MBD5: variants seen among roughly 807,000 people sequenced by gnomAD.
The protein encoded by MBD5 is methyl-CpG binding domain protein 5, also known as methyl-CpG-binding domain protein 5.
In MBD5, 13 loss-of-function variants were observed where a neutral mutation model predicts 117.3. The ratio of observed to expected loss-of-function variants is 0.11; its 90% CI spans 0.07 to 0.18. The LOEUF is 0.18. Ranked by LOEUF, MBD5 falls within the 10% of genes least tolerant of loss-of-function variation. The pLI, the probability that MBD5 is intolerant of heterozygous loss-of-function variation, is 1.00. For missense variants in MBD5, 1,879 were observed against 2,093.8 expected (o/e 0.90, Z 2.00); for synonymous variants, 727 against 766.4 (o/e 0.95, Z 0.85).
At chr2:148,285,672 AT>A (rs1701352367) in intron 3 of MBD5, among the ~76,000 whole-genome samples, 1 of 152,192 alleles carries the variant, frequency 6.6e-6, no homozygotes, top group South Asian at 2.1e-4. Flanking sequence ...TGAGAATAAT[AT>A]GCCCATATTA....
At chr2:148,344,002 G>C (rs1003937816) in intron 4 of MBD5, among the ~76,000 whole-genome samples, 1 of 151,968 alleles carries the variant, frequency 6.6e-6, no homozygotes, top group East Asian at 1.9e-4. Flanking sequence ...GAAAGGTAGT[G>C]GTCCAATTTC....
chr2:148,220,344 A>G (rs74765982), intron 2 of MBD5, among the ~76,000 whole-genome samples: 17,441 of 152,208 alleles, frequency 0.11, 1,344 homozygotes, highest in Non-Finnish European at 0.18. Context: ...CCACTTAGCT[A>G]ATATTTATTC....
At chr2:148,023,272 CATG>C (rs1007556746) in intron 1 of MBD5, among the ~76,000 whole-genome samples, 3 of 152,046 alleles carry the variant, frequency 2.0e-5, no homozygotes, top group African/African-American at 4.8e-5. Context: ...ATTATAAAGA[CATG>C]ATAATACTTC....
At chr2:148,031,242 CTAAG>C (rs1179637351) in intron 1 of MBD5, among the ~76,000 whole-genome samples, 3 of 152,084 alleles carry the variant, frequency 2.0e-5, no homozygotes, top group Non-Finnish European at 2.9e-5. Context: ...GGTTTGAAGA[CTAAG>C]TACTTCTTTT....
intron 2 of MBD5, among the ~76,000 whole-genome samples, chr2:148,189,348 G>C (rs1350143264): frequency 2.6e-5 from 4 of 151,350 alleles, no homozygotes; most frequent in African/African-American, 7.4e-5. Flanking sequence ...TGAGACTTAA[G>C]TGTCCCTGTC....
intron 4 of MBD5, among the ~76,000 whole-genome samples, chr2:148,426,511 A>G (rs1705792533): frequency 6.6e-6 from 1 of 152,220 alleles, no homozygotes; most frequent in South Asian, 2.1e-4. Context: ...ATCTACAACT[A>G]TCTGATCTTT....
chr2:148,202,400 G>T (rs941218112), intron 2 of MBD5, among the ~76,000 whole-genome samples: 2 of 152,060 alleles, frequency 1.3e-5, no homozygotes, highest in African/African-American at 4.8e-5. Flanking sequence ...AGTGACCTAG[G>T]CAGCAGAATG....
intron 8 of MBD5, among the ~76,000 whole-genome samples, chr2:148,478,598 C>T (rs1681046436): frequency 6.6e-6 from 1 of 152,078 alleles, no homozygotes; most frequent in South Asian, 2.1e-4. Context: ...GGGCAAGCTA[C>T]CACTGTCATT....
intron 1 of MBD5, among the ~76,000 whole-genome samples, chr2:148,112,650 C>G (rs1696528496): frequency 6.6e-6 from 1 of 152,080 alleles, no homozygotes. Flanking sequence ...ATTGTTGAAT[C>G]ATTATTTCAT....
intron 4 of MBD5, among the ~76,000 whole-genome samples, chr2:148,450,950 G>A (rs948354158): frequency 2.6e-5 from 4 of 152,156 alleles, no homozygotes; most frequent in African/African-American, 4.8e-5. Flanking sequence ...CTGAGGACTG[G>A]CCTCACTCTC....
intron 4 of MBD5, among the ~76,000 whole-genome samples, chr2:148,449,058 G>A (rs868080159): frequency 9.2e-5 from 14 of 151,936 alleles, no homozygotes; most frequent in Admixed American, 4.6e-4. Context: ...TGAGTTTATC[G>A]TTTTGTTCAT....
chr2:148,055,371 G>A (rs903080753), intron 1 of MBD5: 9 of 150,192 alleles, frequency 6.0e-5, no homozygotes, highest in Non-Finnish European at 1.3e-4. Context: ...AATTATTTTT[G>A]CCTTCTTTGA....
intron 1 of MBD5, among the ~76,000 whole-genome samples, chr2:148,121,158 C>T (rs1696759543): frequency 6.6e-6 from 1 of 152,102 alleles, no homozygotes; most frequent in African/African-American, 2.4e-5. Flanking sequence ...CCTGAGTTTC[C>T]TCATCTGTAA....
At chr2:148,389,251 CATATATATATATATATATATAT>C (rs70995314) in intron 4 of MBD5, among the ~76,000 whole-genome samples, 413 of 32,392 alleles carry the variant, frequency 0.013, 19 homozygotes, top group African/African-American at 0.029. Context: ...GAAAAAAAAA[CATATATATATATATATATATAT>C]ATATATATAT....
At chr2:148,109,756 T>G (rs1052449700) in intron 1 of MBD5, among the ~76,000 whole-genome samples, 2 of 152,196 alleles carry the variant, frequency 1.3e-5, no homozygotes, top group East Asian at 3.8e-4. Flanking sequence ...GGAAAGTGGC[T>G]TGGGATGATT....
At chr2:148,294,965 T>C (rs142438418) in intron 3 of MBD5, among the ~76,000 whole-genome samples, 1 of 152,300 alleles carries the variant, frequency 6.6e-6, no homozygotes, top group African/African-American at 2.4e-5. Flanking sequence ...ATTTTTCTCT[T>C]ACTGCGTTCA....
At chr2:148,211,043 T>C (rs1699410540) in intron 2 of MBD5, among the ~76,000 whole-genome samples, 1 of 152,206 alleles carries the variant, frequency 6.6e-6, no homozygotes. Context: ...ATTCAGCATA[T>C]TTTCATACGT....
intron 3 of MBD5, among the ~76,000 whole-genome samples, chr2:148,258,443 C>G (rs1558994333): frequency 6.6e-6 from 1 of 152,164 alleles, no homozygotes; most frequent in Non-Finnish European, 1.5e-5. Context: ...CCACCAGTGC[C>G]AGCACCTGCA....
At chr2:148,188,535 A>C (rs994390956) in intron 2 of MBD5, among the ~76,000 whole-genome samples, 4 of 151,986 alleles carry the variant, frequency 2.6e-5, no homozygotes, top group African/African-American at 9.7e-5. Flanking sequence ...AAAATTAAAA[A>C]ATTAGCCAGG....
Sources: allele counts gnomAD v4.1 joint callset (sites outside exome capture counted in the v4.1 genomes callset), GRCh38; gene constraint gnomAD v4.1.1; transcripts MANE v1.5; gene names NCBI Gene and HGNC (gene_info 2026-07-23, HGNC 2026-07-21).